The following HIBADH variants were observed in gnomAD, a reference collection of about 807,000 sequenced individuals.
The protein encoded by HIBADH is 3-hydroxyisobutyrate dehydrogenase, mitochondrial.
In HIBADH, 25 loss-of-function variants were observed where a neutral mutation model predicts 36.1. The observed-to-expected ratio is 0.69, with a 90% CI of 0.50 to 0.97. The LOEUF is 0.97. Among genes scored for constraint, HIBADH ranks in the 50% least tolerant of loss-of-function variants. The pLI, the probability that HIBADH is intolerant of heterozygous loss-of-function variation, is 0.00. For missense variants in HIBADH, 421 were observed against 418.0 expected, an observed-to-expected ratio of 1.01 and a Z score of -0.06; for synonymous variants, 160 against 149.5, an observed-to-expected ratio of 1.07 and a Z score of -0.51.
intron 4 of HIBADH, among the ~76,000 whole-genome samples, chr7:27,612,647 G>A (rs919242017): frequency 1.3e-5 from 2 of 151,262 alleles, no homozygotes; most frequent in African/African-American, 2.4e-5. Flanking sequence ...AAAAGTACCA[G>A]GCTCAGCCAG....
At chr7:27,639,448 G>A (rs1436003120) in intron 2 of HIBADH, among the ~76,000 whole-genome samples, 1 of 152,080 alleles carries the variant, frequency 6.6e-6, no homozygotes, top group Non-Finnish European at 1.5e-5. Flanking sequence ...AGGGGGGAGG[G>A]AGGGACAGAG....
intron 4 of HIBADH, among the ~76,000 whole-genome samples, chr7:27,559,199 A>G (rs1184671131): frequency 1.3e-5 from 2 of 152,148 alleles, no homozygotes; most frequent in African/African-American, 2.4e-5. Flanking sequence ...CACCTTAATG[A>G]CCTCACTTTA....
chr7:27,659,497 T>C (rs1298869536), intron 1 of HIBADH, among the ~76,000 whole-genome samples: 1 of 152,024 alleles, frequency 6.6e-6, no homozygotes, highest in Non-Finnish European at 1.5e-5. Context: ...GGAGGATCAG[T>C]TGACCCCCAG....
chr7:27,589,616 C>T (rs546446075), intron 4 of HIBADH, among the ~76,000 whole-genome samples: 1 of 152,136 alleles, frequency 6.6e-6, no homozygotes, highest in Non-Finnish European at 1.5e-5. Context: ...CACTATGCAT[C>T]AGAGAAAGTG....
intron 1 of HIBADH, among the ~76,000 whole-genome samples, chr7:27,658,609 T>C (rs544590240): frequency 6.6e-6 from 1 of 152,318 alleles, no homozygotes; most frequent in East Asian, 1.9e-4. Flanking sequence ...TTCAAAGTAA[T>C]GCATTTTCAT....
intron 4 of HIBADH, among the ~76,000 whole-genome samples, chr7:27,578,652 C>A (rs946924829): frequency 6.6e-6 from 1 of 152,128 alleles, no homozygotes; most frequent in African/African-American, 2.4e-5. Context: ...TCAAAAATAA[C>A]CAGATTATAT....
chr7:27,609,555 C>T (rs981888849), intron 4 of HIBADH, among the ~76,000 whole-genome samples: 5 of 151,990 alleles, frequency 3.3e-5, no homozygotes, highest in African/African-American at 1.2e-4. Flanking sequence ...CATAATTGAC[C>T]CAGTTCTGTG....
At chr7:27,632,241 T>C (rs1785759246) in intron 3 of HIBADH, 95 bp downstream of exon 3, 2 of 852,910 alleles carry the variant, frequency 2.3e-6, no homozygotes, top group African/African-American at 1.7e-5. Context: ...TATAGAAAGG[T>C]TTAACAAACA....
At chr7:27,615,532 T>C (rs1485449698) in intron 4 of HIBADH, among the ~76,000 whole-genome samples, 1 of 152,196 alleles carries the variant, frequency 6.6e-6, no homozygotes, top group African/African-American at 2.4e-5. Flanking sequence ...ACAGGCTGCA[T>C]ATACAACACT....
intron 4 of HIBADH, among the ~76,000 whole-genome samples, chr7:27,571,740 T>C (rs1784631936): frequency 6.6e-6 from 1 of 152,180 alleles, no homozygotes; most frequent in Non-Finnish European, 1.5e-5. Flanking sequence ...TAAGGATGAT[T>C]TTCTCCAGAA....
intron 4 of HIBADH, among the ~76,000 whole-genome samples, chr7:27,577,438 C>T (rs1450343844): frequency 6.6e-6 from 1 of 152,068 alleles, no homozygotes; most frequent in Non-Finnish European, 1.5e-5. Context: ...GCTGGGATTA[C>T]CGGCATGAGC....
At chr7:27,537,829 G>A (rs921888021) in intron 6 of HIBADH, among the ~76,000 whole-genome samples, 2 of 151,984 alleles carry the variant, frequency 1.3e-5, no homozygotes, top group Admixed American at 1.3e-4. Context: ...CATATGAATT[G>A]CATCTTTATG....
chr7:27,571,151 ATTTCAATGATT>A (rs1278992423), intron 4 of HIBADH, among the ~76,000 whole-genome samples: 44 of 152,150 alleles, frequency 2.9e-4, no homozygotes, highest in African/African-American at 9.4e-4. Context: ...TAATTTTTAA[ATTTCAATGATT>A]TTTCTAAATT....
At chr7:27,637,268 G>A (rs1384758879) in intron 2 of HIBADH, among the ~76,000 whole-genome samples, 2 of 152,146 alleles carry the variant, frequency 1.3e-5, no homozygotes, top group African/African-American at 2.4e-5. Flanking sequence ...CTAGCAAATG[G>A]CAGAGCTGAG....
In HIBADH at chr7:27,590,588, A is replaced by AT. The variant is rs201775769; in HGVS notation, c.484+38782dup. Among the ~76,000 whole-genome samples the AT allele has an allele frequency of 7.9e-3, 1,198 of 152,286 alleles. 13 individuals carry two copies. Among genetic ancestry groups the AT allele is most frequent in the African/African-American group, 0.022 (935 of 41,560 alleles). On this transcript the variant is annotated intron_variant, in intron 4 of 7. Transcript: ENST00000265395. ...TACTTAACAGACCTCTAGTTTGAAG[A>AT]TTTTAAAAGGGACATCTGCTATTGC...
intron 1 of HIBADH, among the ~76,000 whole-genome samples, chr7:27,661,708 C>T (rs181087840): frequency 3.4e-4 from 52 of 151,488 alleles, no homozygotes; most frequent in Admixed American, 1.3e-3. Context: ...TATTAATCCT[C>T]AGTATGATCT....
intron 4 of HIBADH, 68 bp downstream of exon 4, chr7:27,629,303 C>A (rs1239209210): frequency 1.3e-6 from 2 of 1,494,210 alleles, no homozygotes; most frequent in Non-Finnish European, 1.8e-6. Flanking sequence ...CCATATGGTA[C>A]AACAAAACCA....
intron 4 of HIBADH, among the ~76,000 whole-genome samples, chr7:27,582,880 C>T (rs1784813546): frequency 6.6e-6 from 1 of 152,122 alleles, no homozygotes; most frequent in Admixed American, 6.6e-5. Context: ...TCTTTAACCT[C>T]TTTATGAGAC....
chr7:27,662,617 G>A, intron 1 of HIBADH, 81 bp downstream of exon 1: 1 of 931,620 alleles, frequency 1.1e-6, no homozygotes, highest in Non-Finnish European at 1.4e-6. Context: ...GGCCTCCCGA[G>A]AAAAGACTTC....
Sources: gnomAD v4.1 joint callset for allele counts (sites outside exome capture counted in the v4.1 genomes callset) on GRCh38, gnomAD v4.1.1 for gene constraint, MANE v1.5 for transcripts, NCBI Gene and HGNC (gene_info 2026-07-23, HGNC 2026-07-21) for gene names.